The following LRR1 variants were observed in gnomAD, a reference collection of about 807,000 sequenced individuals.
LRR1 encodes the protein leucine rich repeat protein 1, also known as leucine-rich repeat protein 1.
Under a neutral mutation model 31.6 loss-of-function variants are expected in LRR1, and 29 were observed. That is an observed-to-expected ratio of 0.92 (90% CI 0.68 to 1.25). LRR1 has a LOEUF of 1.25. LRR1 is among the 50% of genes most tolerant of loss of function. LRR1 has a pLI of 0.00. For synonymous variants in LRR1, 179 were observed against 181.4 expected (o/e 0.99, Z 0.10); for missense variants, 485 against 487.2 (o/e 1.00, Z 0.04).
At chr14:49,608,677 G>C (rs1882389644) in intron 3 of LRR1, among the ~76,000 whole-genome samples, 1 of 151,528 alleles carries the variant, frequency 6.6e-6, no homozygotes, top group Non-Finnish European at 1.5e-5. Flanking sequence ...CCCCTGACCA[G>C]CAGGATCTGC....
intron 2 of LRR1, among the ~76,000 whole-genome samples, chr14:49,603,774 A>ACCT (rs1882179636): frequency 7.6e-6 from 1 of 132,274 alleles, no homozygotes; most frequent in Non-Finnish European, 1.5e-5. Flanking sequence ...GCTCACTGCA[A>ACCT]CCTCCACCTC....
intron 2 of LRR1, among the ~76,000 whole-genome samples, chr14:49,603,399 A>G (rs1882145743): frequency 6.6e-6 from 1 of 152,180 alleles, no homozygotes; most frequent in South Asian, 2.1e-4. Flanking sequence ...AGGCAACTGC[A>G]CAGGTCTACA....
At chr14:49,604,139 CAAAA>C (rs770594061) in intron 2 of LRR1, among the ~76,000 whole-genome samples, 99 of 119,462 alleles carry the variant, frequency 8.3e-4, no homozygotes, top group South Asian at 6.0e-3. Flanking sequence ...CCTGTCTCCA[CAAAA>C]AAAAAAAAAA....
chr14:49,613,497 T>TC (rs1882590889), intron 3 of LRR1, among the ~76,000 whole-genome samples: 1 of 142,530 alleles, frequency 7.0e-6, no homozygotes, highest in African/African-American at 2.7e-5. Context: ...AGAGTGAGAC[T>TC]CCATCTCAAA....
chr14:49,599,400 AGCTTTGAGAGTGT>A (rs1881948342), intron 1 of LRR1, among the ~76,000 whole-genome samples, 197 bp downstream of exon 1: 1 of 152,176 alleles, frequency 6.6e-6, no homozygotes, highest in East Asian at 1.9e-4. Context: ...GAAAGAAGAA[AGCTTTGAGAGTGT>A]ACCTTTTCGC....
chr14:49,602,517 AT>A (rs1471966332), intron 2 of LRR1, 49 bp downstream of exon 2: 4 of 1,494,368 alleles, frequency 2.7e-6, no homozygotes, highest in Admixed American at 3.4e-5. Flanking sequence ...TATTTTCTTT[AT>A]TTTTTAGAAA....
At chr14:49,603,649 T>C in intron 2 of LRR1, 1 of 1,044,494 alleles carries the variant, frequency 9.6e-7, no homozygotes, top group Non-Finnish European at 1.2e-6. Context: ...CGAATTTTTG[T>C]CTACTGTGCC....
intron 2 of LRR1, chr14:49,603,681 C>CTTATTTT (rs1566492965): frequency 2.5e-5 from 17 of 674,918 alleles, no homozygotes; most frequent in Admixed American, 1.7e-4. Context: ...GTAATCATTC[C>CTTATTTT]TTTTTTTTTT....
intron 1 of LRR1, chr14:49,601,738 T>C: frequency 8.0e-7 from 1 of 1,251,620 alleles, no homozygotes; most frequent in African/African-American, 1.6e-5. Context: ...GTGATCCTGT[T>C]CTCAAAGGAG....
At chr14:49,606,808 T>C (rs1882302671) in intron 2 of LRR1, among the ~76,000 whole-genome samples, 1 of 149,642 alleles carries the variant, frequency 6.7e-6, no homozygotes, top group Non-Finnish European at 1.5e-5. Context: ...AGGCATGCAC[T>C]ACCACGCCCA....
In LRR1 at chr14:49,607,246, C is replaced by T. The variant is rs375295812; in HGVS notation, c.283-154C>T. Among the ~76,000 whole-genome samples, 9 of 151,884 alleles carry T rather than the reference C, an allele frequency of 5.9e-5. No individual in the cohort carries two copies. The East Asian group carries it at 1.4e-3, about 23-fold the overall frequency. On this transcript the variant is annotated intron_variant, in intron 2 of 3. Transcript: ENST00000298288. ...AAAACTTTTAAACTTGAAATTTAGTCAAAATAAAGTACTAAAAAAAAGTTT... is the reference window on the plus strand; with the variant it reads ...AAAACTTTTAAACTTGAAATTTAGTTAAAATAAAGTACTAAAAAAAAGTTT...
chr14:49,599,182 C>CA lies in LRR1; in HGVS notation c.164dup (p.Arg56AlafsTer6). 2.5e-6 allele frequency: 4 copies of CA among 1,608,098 alleles called. No homozygotes were observed. Among genetic ancestry groups the CA allele is most frequent in the Non-Finnish European group, 3.4e-6 (4 of 1,177,686 alleles). On this transcript the variant is annotated frameshift_variant, in exon 1 of 4. Coordinates refer to ENST00000298288, the MANE Select transcript of LRR1 (RefSeq NM_152329.4). LOFTEE classifies it high-confidence loss of function. ...TCCTGCTCATCTCCACCCTGAAGGA[C>CA]AAGCGCGGGACCCGCTATGAGGTGC...
Position 49,607,953 on chromosome 14 carries a change from C to G in LRR1, c.836C>G (p.Ala279Gly). 6.2e-7 allele frequency: 1 copy of G among 1,613,982 alleles called. No homozygotes were observed. Among genetic ancestry groups the G allele is most frequent in the Non-Finnish European group, 8.5e-7 (1 of 1,179,976 alleles). The change falls in exon 3 of 4, where the codon GCA (alanine) becomes GGA (glycine). Residue 279 changes from alanine (A) to glycine (G), a missense_variant. This residue lies in a region of LRR1 where 210 missense variants were observed against 200.4 expected (regional missense o/e 1.05). Transcript: ENST00000298288. ...CTAATAAACCTTCGCTTTTTGTCAG[C>G]AGCTCGAAATAAGCTTCCATTTTTG... The part of the protein sequence containing the change: ...GQLINLRFLS[A>G]ARNKLPFLPS...
intron 1 of LRR1, chr14:49,600,123 G>C: frequency 1.3e-6 from 2 of 1,573,380 alleles, no homozygotes; most frequent in South Asian, 2.2e-5. Flanking sequence ...CACCGTCTTC[G>C]ACCACTACAC....
At chr14:49,601,736 G>T in intron 1 of LRR1, 1 of 1,245,360 alleles carries the variant, frequency 8.0e-7, no homozygotes, top group Middle Eastern at 2.2e-4. Flanking sequence ...TGGTGATCCT[G>T]TTCTCAAAGG....
chr14:49,599,910 C>T (rs1215940467), intron 1 of LRR1: 16 of 986,324 alleles, frequency 1.6e-5, no homozygotes, highest in African/African-American at 6.9e-5. Flanking sequence ...GGCGGCGGAC[C>T]CTCCAGGCGG....
chr14:49,610,729 A>C (rs1362696777), intron 3 of LRR1, among the ~76,000 whole-genome samples: 1 of 147,552 alleles, frequency 6.8e-6, no homozygotes, highest in East Asian at 1.9e-4. Flanking sequence ...TGGCCGGCTA[A>C]ATTTTTGTAT....
rs549276780 is a variant in LRR1, at chr14:49,612,926, G to A, written c.1005-1330G>A. ...TAAAAACTTGACCTCAAGGCCCAGC[G>A]CAGTGGCTCTTGCCTGTAATCTCAG... On this transcript the variant is annotated intron_variant, in intron 3 of 3. Transcript: ENST00000298288. Among the ~76,000 whole-genome samples, 4 of 152,264 alleles carry A rather than the reference G, an allele frequency of 2.6e-5. No individual in the cohort carries two copies. In the South Asian group the frequency reaches 6.2e-4, roughly 24 times the overall value.
At position 49,612,634 on chromosome 14, in the gene LRR1, G is replaced by A; in HGVS notation, c.1005-1622G>A. On this transcript the variant is annotated intron_variant, in intron 3 of 3. Coordinates refer to ENST00000298288, the MANE Select transcript of LRR1 (RefSeq NM_152329.4). ...AGATCCCGTACCAAAGGTAACCGCT[G>A]TTTTTTTATTTGAAATGTGTATCTT... The A allele has an allele frequency of 3.8e-6, 4 of 1,041,726 alleles. No homozygotes were observed. In the South Asian group the frequency reaches 1.2e-4, roughly 31 times the overall value. 64.5% of individuals were successfully genotyped at this position (1,041,726 alleles called of 1,614,324 possible).
Sources: gnomAD v4.1 joint callset for allele counts (sites outside exome capture counted in the v4.1 genomes callset) on GRCh38, gnomAD v4.1.1 for gene constraint, gnomAD v4.1.1 regional missense constraint, MANE v1.5 for transcripts, NCBI Gene and HGNC (gene_info 2026-07-23, HGNC 2026-07-21) for gene names.